The following NALF1 variants were observed in gnomAD, a reference collection of about 807,000 sequenced individuals.
NALF1 encodes family with sequence similarity 155 member A.
A neutral mutation model predicts 48.4 loss-of-function variants in NALF1; 3 were observed. That is an observed-to-expected ratio of 0.06 (90% CI 0.03 to 0.16). NALF1 has a LOEUF of 0.16. Among genes scored for constraint, NALF1 ranks in the 10% least tolerant of loss-of-function variants. The pLI, the probability that NALF1 is intolerant of heterozygous loss-of-function variation, is 1.00. For synonymous variants in NALF1, 262 were observed against 245.7 expected, an observed-to-expected ratio of 1.07 and a Z score of -0.62; for missense variants, 526 against 571.5, an observed-to-expected ratio of 0.92 and a Z score of 0.81.
At chr13:107,547,609 G>A (rs555423627) in intron 1 of NALF1, among the ~76,000 whole-genome samples, 47 of 152,102 alleles carry the variant, frequency 3.1e-4, no homozygotes, top group African/African-American at 9.7e-4. Flanking sequence ...ACAATTTGCC[G>A]TTATGATACA....
intron 2 of NALF1, among the ~76,000 whole-genome samples, chr13:107,198,624 T>A (rs1879443048): frequency 6.6e-6 from 1 of 152,236 alleles, no homozygotes; most frequent in Admixed American, 6.5e-5. Flanking sequence ...ACTCCAAAAC[T>A]TAAAGGCATT....
intron 1 of NALF1, among the ~76,000 whole-genome samples, chr13:107,418,923 A>AT (rs1244017061): frequency 2.0e-5 from 3 of 152,232 alleles, no homozygotes; most frequent in Non-Finnish European, 4.4e-5. Context: ...CTAACATTGA[A>AT]TTTTATCTTT....
At chr13:107,686,420 G>C (rs1881435055) in intron 1 of NALF1, among the ~76,000 whole-genome samples, 1 of 151,422 alleles carries the variant, frequency 6.6e-6, no homozygotes, top group African/African-American at 2.4e-5. Flanking sequence ...TTTTGAGACG[G>C]AGGCTCACTC....
intron 1 of NALF1, among the ~76,000 whole-genome samples, chr13:107,729,769 GCAC>G (rs1876256617): frequency 2.0e-5 from 3 of 152,160 alleles, no homozygotes; most frequent in Non-Finnish European, 4.4e-5. Flanking sequence ...ATGAGCCACT[GCAC>G]CCGACCCTTT....
rs1429899598 is a variant in NALF1 at position 107,803,796 on chromosome 13, ATTAAT to A, written c.915+61881_915+61885del. 3.3e-5 allele frequency among the ~76,000 whole-genome samples: 5 copies of A among 152,164 alleles called. No individual in the cohort carries two copies. In the East Asian group the frequency reaches 9.7e-4, roughly 29 times the overall value. ...AAACCAGGCAATTGCATCTGAATTA[ATTAAT>A]TTAACTCTAATAACACGATGGTTTC... On this transcript the variant is annotated intron_variant, in intron 1 of 2. Coordinates refer to ENST00000375915, the MANE Select transcript of NALF1 (RefSeq NM_001080396.3).
rs76053019 is a variant in NALF1 at position 107,343,225 on chromosome 13, A to C, written c.916-132470T>G. ...AAACAAGAAATCAATAGCAGTGGAA[A>C]AATGGAAATTTCCAACAGTGTTAAA... On this transcript the variant is annotated intron_variant, in intron 1 of 2. Coordinates refer to ENST00000375915, the MANE Select transcript of NALF1 (RefSeq NM_001080396.3). 2.6e-5 allele frequency among the ~76,000 whole-genome samples: 4 copies of C among 152,204 alleles called. No individual in the cohort carries two copies. The East Asian group carries it at 7.7e-4, about 29-fold the overall frequency.
At chr13:107,464,067 G>A (rs751794400) in intron 1 of NALF1, among the ~76,000 whole-genome samples, 40 of 152,220 alleles carry the variant, frequency 2.6e-4, no homozygotes, top group Non-Finnish European at 4.4e-4. Flanking sequence ...CAATCCACCT[G>A]CCTGACCCCA....
chr13:107,272,799 C>T (rs1222364451), intron 1 of NALF1, among the ~76,000 whole-genome samples: 1 of 152,120 alleles, frequency 6.6e-6, no homozygotes, highest in African/African-American at 2.4e-5. Flanking sequence ...GGCAAGAAAA[C>T]AAAGGGTGTA....
Position 107,786,416 on chromosome 13 carries a change from C to CAAAAA in NALF1, c.915+79261_915+79265dup, listed in dbSNP as rs34857705. On this transcript the variant is annotated intron_variant, in intron 1 of 2. Transcript: ENST00000375915. ...GGGCAACAAGAGCGAAACTCTTTCT[C>CAAAAA]AAAAAAAAAAAAAAAAAAAAAAAAA... Among the ~76,000 whole-genome samples the CAAAAA allele has an allele frequency of 6.4e-4, 19 of 29,708 alleles. 2 individuals carry two copies. The East Asian group carries it at 0.017, about 27-fold the overall frequency. 19.5% of individuals were successfully genotyped at this position (29,708 alleles called of 152,430 possible).
intron 1 of NALF1, among the ~76,000 whole-genome samples, chr13:107,512,176 C>T (rs543063278): frequency 6.6e-6 from 1 of 152,112 alleles, no homozygotes; most frequent in African/African-American, 2.4e-5. Context: ...GGGTGGATCA[C>T]GAGGTCAGGA....
At chr13:107,417,154 C>T (rs942505627) in intron 1 of NALF1, among the ~76,000 whole-genome samples, 1 of 152,220 alleles carries the variant, frequency 6.6e-6, no homozygotes, top group Non-Finnish European at 1.5e-5. Flanking sequence ...ATTTTTCTTT[C>T]TTCCTAACAT....
chr13:107,693,289 C>G (rs2138505606), intron 1 of NALF1, among the ~76,000 whole-genome samples: 1 of 120,214 alleles, frequency 8.3e-6, no homozygotes, highest in African/African-American at 3.2e-5. Flanking sequence ...CACATGGACA[C>G]AGGGCGGGGA....
At chr13:107,715,032 TG>T (rs1875710346) in intron 1 of NALF1, among the ~76,000 whole-genome samples, 1 of 152,050 alleles carries the variant, frequency 6.6e-6, no homozygotes, top group Non-Finnish European at 1.5e-5. Flanking sequence ...ATATAGTAGG[TG>T]TATATATTTA....
At position 107,746,273 on chromosome 13, in the gene NALF1, T is replaced by C. The variant is rs1391870454; in HGVS notation, c.915+119409A>G. The stretch of plus-strand genomic sequence containing the variant: ...AGGCCTCCCCAGCCATGTAGAACTG[T>C]GTGTCAATTAAACCTCTTTATAAAT... On this transcript the variant is annotated intron_variant, in intron 1 of 2. Coordinates refer to ENST00000375915, the MANE Select transcript of NALF1 (RefSeq NM_001080396.3). Among the ~76,000 whole-genome samples the C allele has an allele frequency of 5.3e-5, 8 of 152,302 alleles. No homozygotes were observed. In the East Asian group the frequency reaches 1.4e-3, roughly 26 times the overall value.
At chr13:107,634,911 A>T (rs1457264372) in intron 1 of NALF1, among the ~76,000 whole-genome samples, 1 of 152,152 alleles carries the variant, frequency 6.6e-6, no homozygotes, top group Non-Finnish European at 1.5e-5. Flanking sequence ...CTGTTTTAGG[A>T]AAGTGCTAGG....
intron 1 of NALF1, among the ~76,000 whole-genome samples, chr13:107,800,743 G>A (rs1331281763): frequency 6.8e-6 from 1 of 146,990 alleles, no homozygotes; most frequent in Non-Finnish European, 1.5e-5. Flanking sequence ...TATAATATAT[G>A]ATATAATATA....
At chr13:107,740,495 C>A (rs1373129673) in intron 1 of NALF1, among the ~76,000 whole-genome samples, 2 of 152,142 alleles carry the variant, frequency 1.3e-5, no homozygotes, top group African/African-American at 4.8e-5. Context: ...ATATAATTTA[C>A]ACTGAATTTC....
At chr13:107,561,975 T>A (rs1408513955) in intron 1 of NALF1, among the ~76,000 whole-genome samples, 1 of 152,252 alleles carries the variant, frequency 6.6e-6, no homozygotes, top group Admixed American at 6.5e-5. Context: ...CAAGATAATA[T>A]GCAAAATGGA....
chr13:107,731,973 T>C (rs1230418792), intron 1 of NALF1, among the ~76,000 whole-genome samples: 1 of 152,174 alleles, frequency 6.6e-6, no homozygotes, highest in Non-Finnish European at 1.5e-5. Flanking sequence ...ATTTGTATGA[T>C]GAAGAACAAG....
Sources: allele counts gnomAD v4.1 joint callset (sites outside exome capture counted in the v4.1 genomes callset), GRCh38; gene constraint gnomAD v4.1.1; transcripts MANE v1.5; gene names NCBI Gene and HGNC (gene_info 2026-07-23, HGNC 2026-07-21).